ZDHHC7: variants seen among roughly 807,000 people sequenced by gnomAD.
ZDHHC7 encodes the protein palmitoyltransferase ZDHHC7.
A neutral mutation model predicts 34.1 loss-of-function variants in ZDHHC7; 12 were observed. That is an observed-to-expected ratio of 0.35 (90% confidence interval 0.23 to 0.57). The LOEUF (loss-of-function observed/expected upper bound fraction) is 0.57. Among genes scored for constraint, ZDHHC7 ranks in the 20% least tolerant of loss-of-function variants. The pLI, the probability that ZDHHC7 is intolerant of heterozygous loss-of-function variation, is 0.84. For missense variants in ZDHHC7, 388 were observed against 402.7 expected (o/e 0.96, Z 0.31); for synonymous variants, 185 against 155.4 (o/e 1.19, Z -1.42).
intron 2 of ZDHHC7, among the ~76,000 whole-genome samples, chr16:84,994,175 C>T (rs2072545881): frequency 6.6e-6 from 1 of 152,222 alleles, no homozygotes; most frequent in Non-Finnish European, 1.5e-5. Context: ...TCTGGGTCTC[C>T]TCCTGCCCTG....
the ZDHHC7 span, among the ~76,000 whole-genome samples, chr16:85,017,437 C>G: frequency 6.6e-6 from 1 of 152,170 alleles, no homozygotes; most frequent in African/African-American, 2.4e-5. Context: ...CCCTGGACAA[C>G]TCACAGGAGG....
At chr16:85,004,711 G>A (rs2143735843) in intron 1 of ZDHHC7, among the ~76,000 whole-genome samples, 1 of 152,236 alleles carries the variant, frequency 6.6e-6, no homozygotes, top group South Asian at 2.1e-4. Flanking sequence ...AACATTTCTT[G>A]AGTGAATAAG....
chr16:84,976,056 T>C lies in ZDHHC7; in HGVS notation c.*287A>G, dbSNP rs750907478. The C allele has an allele frequency of 4.9e-6, 2 of 404,512 alleles. No homozygotes were observed. Among genetic ancestry groups the C allele is most frequent in the African/African-American group, 2.1e-5 (1 of 46,552 alleles). 25.1% of individuals were successfully genotyped at this position (404,512 alleles called of 1,614,324 possible). On this transcript the variant is annotated 3_prime_UTR_variant, in exon 8 of 8. Transcript: ENST00000313732. ...CAGGACCCAGGATTTGAATAACCCA[T>C]GTAATAACCCGAAGTATTCTCCACA...
chr16:85,007,196 G>A (rs2072728774), intron 1 of ZDHHC7, among the ~76,000 whole-genome samples: 2 of 151,992 alleles, frequency 1.3e-5, no homozygotes, highest in Admixed American at 6.5e-5. Context: ...GGCCAAGGCA[G>A]GTGGATCACC....
At chr16:85,016,061 C>T (rs868334459), upstream of ZDHHC7, among the ~76,000 whole-genome samples, 2 of 152,174 alleles carry the variant, frequency 1.3e-5, no homozygotes, top group African/African-American at 2.4e-5. Context: ...TTCCACCCCC[C>T]CAACCACGTC....
chr16:84,983,948 C>T lies in ZDHHC7; in HGVS notation c.316-1954G>A, dbSNP rs371905612. 1.1e-3 allele frequency among the ~76,000 whole-genome samples: 149 copies of T among 139,776 alleles called. 1 individual carries two copies. The highest frequency in any genetic ancestry group is 1.6e-3 in the Non-Finnish European group (107 of 65,930). 91.7% of individuals were successfully genotyped at this position (139,776 alleles called of 152,430 possible). On this transcript the variant is annotated intron_variant, in intron 3 of 7. Transcript: ENST00000313732. ...TGGAAGCTGCAGTGAGCCAAGATCA[C>T]GCCACTGCACTCCAGCAAAAAAAAA...
intron 2 of ZDHHC7, among the ~76,000 whole-genome samples, chr16:84,992,530 T>C (rs1196759367): frequency 6.6e-6 from 1 of 152,154 alleles, no homozygotes; most frequent in Non-Finnish European, 1.5e-5. Context: ...GCTTCTTTGA[T>C]TGTACGCCCT....
intron 1 of ZDHHC7, among the ~76,000 whole-genome samples, chr16:85,007,646 G>C (rs950944911): frequency 2.6e-5 from 4 of 151,940 alleles, no homozygotes; most frequent in East Asian, 1.9e-4. Flanking sequence ...CTCTTCCTCA[G>C]AGGCAAAGCA....
intron 1 of ZDHHC7, among the ~76,000 whole-genome samples, chr16:85,010,194 AT>A (rs1179433061): frequency 6.7e-6 from 1 of 149,392 alleles, no homozygotes; most frequent in East Asian, 2.0e-4. Context: ...TAATTTTTTA[AT>A]TTTTTTGTAG....
At chr16:85,024,075 G>A in the ZDHHC7 span, among the ~76,000 whole-genome samples, 4 of 151,812 alleles carry the variant, frequency 2.6e-5, no homozygotes, top group South Asian at 4.2e-4. Flanking sequence ...GTGCCACCAC[G>A]CTTGACTAAT....
At chr16:85,023,070 A>C in the ZDHHC7 span, among the ~76,000 whole-genome samples, 1 of 152,132 alleles carries the variant, frequency 6.6e-6, no homozygotes, top group Non-Finnish European at 1.5e-5. Flanking sequence ...TCTCCCCTAG[A>C]GCCTCTGAAA....
intron 1 of ZDHHC7, among the ~76,000 whole-genome samples, chr16:84,998,964 A>T (rs2143700484): frequency 1.3e-5 from 2 of 152,240 alleles, no homozygotes; most frequent in East Asian, 3.9e-4. Flanking sequence ...CATGTTAGCC[A>T]GGCTGGTCTC....
chr16:84,981,581 G>A (rs1258497673), intron 4 of ZDHHC7, among the ~76,000 whole-genome samples: 1 of 152,182 alleles, frequency 6.6e-6, no homozygotes, highest in African/African-American at 2.4e-5. Flanking sequence ...CAACAGAGGC[G>A]GGAACCTTGT....
intron 3 of ZDHHC7, among the ~76,000 whole-genome samples, chr16:84,987,929 G>A (rs1268319870): frequency 6.6e-6 from 1 of 152,200 alleles, no homozygotes. Flanking sequence ...CAGCACTTCG[G>A]GAGGCCGAGG....
chr16:84,990,812 T>C (rs1005267389), intron 2 of ZDHHC7, among the ~76,000 whole-genome samples, 177 bp from the exon 3 acceptor site: 3 of 152,222 alleles, frequency 2.0e-5, no homozygotes, highest in African/African-American at 7.2e-5. Flanking sequence ...ACTTGATTGA[T>C]TGCTTTACTA....
At chr16:84,988,670 G>T in intron 3 of ZDHHC7, 1 of 1,079,452 alleles carries the variant, frequency 9.3e-7, no homozygotes. Context: ...CGCAGAGGAG[G>T]AAGGGGCAAG....
chr16:84,981,755 G>A lies in ZDHHC7; in HGVS notation c.440+115C>T, dbSNP rs565982630. Reference sequence around the variant, plus strand: ...CCTACGGCCCCGCCCGTACAACGTTGCCCAGATGCTCGGGGGCCATGTACC... The same window carrying A: ...CCTACGGCCCCGCCCGTACAACGTTACCCAGATGCTCGGGGGCCATGTACC... On this transcript the variant is annotated intron_variant, in intron 4 of 7. Transcript: ENST00000313732. 12 of 1,575,690 alleles carry A rather than the reference G, an allele frequency of 7.6e-6. No homozygotes were observed. In the South Asian group the frequency reaches 1.3e-4, roughly 17 times the overall value.
At chr16:85,022,841 T>C in the ZDHHC7 span, among the ~76,000 whole-genome samples, 1 of 152,316 alleles carries the variant, frequency 6.6e-6, no homozygotes, top group African/African-American at 2.4e-5. Flanking sequence ...TAAACTGTGT[T>C]ACCTGCCTCT....
chr16:85,010,577 C>G (rs1246819247), intron 1 of ZDHHC7, among the ~76,000 whole-genome samples: 1 of 152,214 alleles, frequency 6.6e-6, no homozygotes, highest in Non-Finnish European at 1.5e-5. Context: ...ACAGCCCAGA[C>G]AGTAAAAGAA....
Sources: gnomAD v4.1 joint callset for allele counts (sites outside exome capture counted in the v4.1 genomes callset) on GRCh38, gnomAD v4.1.1 for gene constraint, MANE v1.5 for transcripts, NCBI Gene and HGNC (gene_info 2026-07-23, HGNC 2026-07-21) for gene names.